MPDZ: variants seen among roughly 807,000 people sequenced by gnomAD.
The protein encoded by MPDZ is multiple PDZ domain protein.
MPDZ carries 234 observed loss-of-function variants against 239.1 expected under a neutral mutation model. That is an observed-to-expected ratio of 0.98 (90% confidence interval 0.88 to 1.09). The LOEUF (loss-of-function observed/expected upper bound fraction) is 1.09, where lower values mean the gene tolerates loss of function less well. Ranked by LOEUF, MPDZ falls within the 50% of genes least tolerant of loss-of-function variation. The probability of loss-of-function intolerance (pLI) is 0.00; values close to 1 mark genes in which losing one functional copy is unlikely to be tolerated. For synonymous variants in MPDZ, 1,048 were observed against 881.3 expected (o/e 1.19, Z -3.35); for missense variants, 3,175 against 2,510.0 (o/e 1.26, Z -5.66).
chr9:13,210,751 G>A (rs1419872540), intron 10 of MPDZ, among the ~76,000 whole-genome samples: 1 of 152,098 alleles, frequency 6.6e-6, no homozygotes, highest in Non-Finnish European at 1.5e-5. Context: ...ACAGACTGCT[G>A]AGAAATCAGG....
At chr9:13,131,732 T>G (rs1014199330) in intron 32 of MPDZ, among the ~76,000 whole-genome samples, 7 of 152,212 alleles carry the variant, frequency 4.6e-5, no homozygotes, top group African/African-American at 1.7e-4. Context: ...CACTGTCTTG[T>G]GGCCACCAGC....
chr9:13,207,592 T>C (rs1957143830), intron 10 of MPDZ, among the ~76,000 whole-genome samples: 1 of 152,232 alleles, frequency 6.6e-6, no homozygotes, highest in Admixed American at 6.5e-5. Context: ...TTCAGTTCAA[T>C]AGTTGTTTTC....
chr9:13,247,828 T>C (rs766204901), intron 2 of MPDZ, 27 bp from the exon 3 acceptor site: 2 of 1,572,834 alleles, frequency 1.3e-6, no homozygotes, highest in South Asian at 1.1e-5. Flanking sequence ...CATTTGTCAA[T>C]AACAGGATTC....
intron 3 of MPDZ, among the ~76,000 whole-genome samples, chr9:13,234,415 G>C (rs1963392798): frequency 6.6e-6 from 1 of 152,002 alleles, no homozygotes; most frequent in Non-Finnish European, 1.5e-5. Flanking sequence ...TTTTGCATAA[G>C]TATTTCTGTA....
chr9:13,135,215 A>G (rs1027883651), intron 31 of MPDZ: 1 of 152,190 alleles, frequency 6.6e-6, no homozygotes. Flanking sequence ...ACTAAGTCAG[A>G]TATCTGAAAA....
Position 13,255,336 on chromosome 9 carries a change from C to T in MPDZ, c.-57-4964G>A, listed in dbSNP as rs116412044. ...GTGTTATTCATAAGAGTTTCAGAAT[C>T]AACTTCTTCCAAAGTCCTGGTAATG... is the stretch of plus-strand genomic sequence containing the variant. On this transcript the variant is annotated intron_variant, in intron 1 of 46. Transcript: ENST00000319217. Among the ~76,000 whole-genome samples, 1,103 of 152,294 alleles carry T rather than the reference C, an allele frequency of 7.2e-3. 12 individuals are homozygous for T. The highest frequency in any genetic ancestry group is 0.024 in the African/African-American group (1,005 of 41,556).
chr9:13,109,101 A>C (rs1189134114), intron 45 of MPDZ, 42 bp from the exon 46 acceptor site: 1 of 1,296,806 alleles, frequency 7.7e-7, no homozygotes, highest in Admixed American at 3.5e-5. Flanking sequence ...AATTAAAAAA[A>C]AAAAACTATA....
intron 10 of MPDZ, among the ~76,000 whole-genome samples, chr9:13,212,792 A>C (rs1162632794): frequency 4.0e-5 from 2 of 50,626 alleles, no homozygotes; most frequent in Admixed American, 4.2e-4. Flanking sequence ...GTCAAGGTTT[A>C]AAAAAAAAAA....
intron 15 of MPDZ, among the ~76,000 whole-genome samples, chr9:13,191,227 G>C (rs1954874532): frequency 6.6e-6 from 1 of 152,022 alleles, no homozygotes; most frequent in East Asian, 1.9e-4. Context: ...TATGTTTCTT[G>C]TTCTACCCTA....
intron 8 of MPDZ, 119 bp from the exon 9 acceptor site, chr9:13,217,413 CTA>C (rs1958494295): frequency 1.6e-6 from 1 of 644,592 alleles, no homozygotes; most frequent in Non-Finnish European, 2.6e-6. Context: ...CTTTAATTCT[CTA>C]GCAAAGAATT....
At chr9:13,116,680 C>A (rs1943506634) in intron 39 of MPDZ, among the ~76,000 whole-genome samples, 1 of 152,090 alleles carries the variant, frequency 6.6e-6, no homozygotes, top group Admixed American at 6.6e-5. Context: ...TTTCACCTAC[C>A]TGTAACACTT....
intron 39 of MPDZ, among the ~76,000 whole-genome samples, chr9:13,115,950 CAAAAAAA>C (rs71491603): frequency 7.4e-5 from 3 of 40,616 alleles, no homozygotes; most frequent in African/African-American, 2.0e-4. Context: ...GACTCCACCT[CAAAAAAA>C]AAAAAAAAAA....
At position 13,157,200 on chromosome 9, in the gene MPDZ, C is replaced by A. The variant is rs58731852; in HGVS notation, c.3452+818G>T. 1.9e-3 allele frequency among the ~76,000 whole-genome samples: 283 copies of A among 152,144 alleles called. 1 individual carries two copies. The highest frequency in any genetic ancestry group is 2.8e-3 in the Non-Finnish European group (193 of 68,006). ...AACAAATATTAATGTTTACTGAACA[C>A]AAAGCATCACATTGTGATGGTGACC... On this transcript the variant is annotated intron_variant, in intron 24 of 46. Coordinates refer to ENST00000319217, the MANE Select transcript of MPDZ (RefSeq NM_001378778.1).
chr9:13,190,191 T>C lies in MPDZ; in HGVS notation c.2077A>G (p.Met693Val), dbSNP rs775983215. Residue 693 changes from methionine to valine, a missense_variant, in exon 16 of 47, where the codon ATG becomes GTG. By Grantham distance (21) the Met-to-Val change is conservative (BLOSUM62 1). Transcript: ENST00000319217. ...STEEVQAPLAMWEAGIQHIEL... is the reference protein window; with the variant it reads ...STEEVQAPLAVWEAGIQHIEL... The stretch of plus-strand genomic sequence containing the variant: ...ATGTGCTGAATGCCAGCCTCCCACA[T>C]GGCCAAAGGTGCTTGAACCTCTTCT... 57 of 1,613,212 alleles carry C rather than the reference T, an allele frequency of 3.5e-5. No homozygotes were observed. Among genetic ancestry groups the C allele is most frequent in the Non-Finnish European group, 4.5e-5 (53 of 1,179,570 alleles).
In MPDZ at chr9:13,190,117, A is replaced by G; in HGVS notation, c.2151T>C (p.Tyr717=). The G allele has an allele frequency of 6.2e-7, 1 of 1,611,366 alleles. No individual in the cohort carries two copies. Residue 717 remains tyrosine (Y), a synonymous_variant, in exon 16 of 47, where the codon TAT becomes TAC. Coordinates refer to ENST00000319217, the MANE Select transcript of MPDZ (RefSeq NM_001378778.1). ...GTTAAAAGTAGTATATACTTACCTG[A>G]TAATCTAAAATGCTAAAACCAAGTC... ...SKGLGFSILD[Y]QDPIDPASTV...
chr9:13,273,146 G>T (rs947114083), intron 1 of MPDZ, among the ~76,000 whole-genome samples: 3 of 152,064 alleles, frequency 2.0e-5, no homozygotes, highest in Non-Finnish European at 4.4e-5. Flanking sequence ...GCCTTGATCT[G>T]GTACTTCCCA....
At chr9:13,110,572 C>T (rs1345470487) in intron 44 of MPDZ, 64 bp downstream of exon 44, 2 of 1,089,026 alleles carry the variant, frequency 1.8e-6, no homozygotes, top group African/African-American at 1.5e-5. Context: ...ACTGCTTTAA[C>T]ATCAAAGCTC....
chr9:13,189,699 A>C (rs1954631792), intron 16 of MPDZ, among the ~76,000 whole-genome samples: 1 of 152,210 alleles, frequency 6.6e-6, no homozygotes, highest in Non-Finnish European at 1.5e-5. Context: ...TCATAAATTT[A>C]GTCAAATGAT....
intron 1 of MPDZ, among the ~76,000 whole-genome samples, chr9:13,276,366 C>G (rs377466929): frequency 6.6e-6 from 1 of 152,124 alleles, no homozygotes; most frequent in East Asian, 1.9e-4. Flanking sequence ...TCAATTTTAC[C>G]ATGCTAAATA....
Sources: allele counts gnomAD v4.1 joint callset (sites outside exome capture counted in the v4.1 genomes callset), GRCh38; gene constraint gnomAD v4.1.1; transcripts MANE v1.5; gene names NCBI Gene and HGNC (gene_info 2026-07-23, HGNC 2026-07-21).